TEX51: variants seen among roughly 807,000 people sequenced by gnomAD.
TEX51 encodes testis-expressed protein 51.
In TEX51, 14 loss-of-function variants were observed where a neutral mutation model predicts 8.0. The observed-to-expected ratio is 1.76, with a 90% confidence interval of 1.16 to 2.75. The LOEUF is 2.75. Ranked by LOEUF, TEX51 falls within the 30% of genes most tolerant of loss-of-function variation. The pLI is 0.00. For synonymous variants in TEX51, 58 were observed against 28.6 expected (o/e 2.03, Z -3.29); for missense variants, 142 against 77.4 (o/e 1.83, Z -3.13).
At chr2:126,900,704 T>G (rs564063349) in intron 4 of TEX51, among the ~76,000 whole-genome samples, 45 of 152,256 alleles carry the variant, frequency 3.0e-4, no homozygotes, top group African/African-American at 1.0e-3. Flanking sequence ...CTGAACTTCT[T>G]CTCAACGAGC....
At chr2:126,899,723 C>A in intron 3 of TEX51, 111 bp downstream of exon 3, 1 of 698,634 alleles carries the variant, frequency 1.4e-6, no homozygotes, top group Non-Finnish European at 2.6e-6. Context: ...GGAGCCCCAC[C>A]CCTCTCCATG....
Position 126,901,999 on chromosome 2 carries a change from C to G in TEX51, c.*130C>G. 3.5e-6 allele frequency: 2 copies of G among 577,618 alleles called. No individual in the cohort carries two copies. The highest frequency in any genetic ancestry group is 4.2e-5 in the South Asian group (2 of 47,728). 35.8% of individuals were successfully genotyped at this position (577,618 alleles called of 1,614,324 possible). On this transcript the variant is annotated 3_prime_UTR_variant, in exon 7 of 7. Coordinates refer to ENST00000568484, the MANE Select transcript of TEX51 (RefSeq NM_001322244.2). ...ACCCTCCATCCTGGGTCCTGGGGCC[C>G]CAAAGCTCTGAGGCCTAGGAGACTG...
Position 126,902,045 on chromosome 2 carries a change from A to G in TEX51, c.*176A>G. On this transcript the variant is annotated 3_prime_UTR_variant, in exon 7 of 7. Coordinates refer to ENST00000568484, the MANE Select transcript of TEX51 (RefSeq NM_001322244.2). ...GACTGCGCTGTCTCGTGGTTTGCCTACTCCTACACCTTTGTAAAGAGTCTC... is the reference window on the plus strand; with the variant it reads ...GACTGCGCTGTCTCGTGGTTTGCCTGCTCCTACACCTTTGTAAAGAGTCTC... 1 of 494,146 alleles carries G rather than the reference A, an allele frequency of 2.0e-6. No homozygotes were observed. The highest frequency in any genetic ancestry group is 3.1e-5 in the South Asian group (1 of 31,986). The allele number at this position is 494,146 out of a possible 1,614,324, so 30.6% of individuals were successfully genotyped here.
rs749167982 is a variant in TEX51 at position 126,901,170 on chromosome 2, C to A, written c.395-40C>A. The A allele has an allele frequency of 1.1e-4, 68 of 611,634 alleles. 1 individual carries two copies. The Middle Eastern group carries it at 5.4e-3, about 49-fold the overall frequency. The allele number at this position is 611,634 out of a possible 1,614,324, so 37.9% of individuals were successfully genotyped here. On this transcript the variant is annotated intron_variant, in intron 4 of 6. Transcript: ENST00000568484. Reference sequence around the variant, plus strand: ...TTCTCTCTGAGTTGAGGTAGCCCTGCCTGGCCTCCAAACACCTGGCTTCCT... The same window carrying A: ...TTCTCTCTGAGTTGAGGTAGCCCTGACTGGCCTCCAAACACCTGGCTTCCT...
chr2:126,900,034 C>T lies in TEX51; in HGVS notation c.394+15C>T, dbSNP rs1417242330. ...TTTCTGCCCAGGTCAGTGGCCACCA[C>T]CCTGTCCAGCCTCTCCCCTCCCTGC... On this transcript the variant is annotated intron_variant, in intron 4 of 6. Coordinates refer to ENST00000568484, the MANE Select transcript of TEX51 (RefSeq NM_001322244.2). The T allele has an allele frequency of 2.9e-6, 2 of 700,580 alleles. No homozygotes were observed. Among genetic ancestry groups the T allele is most frequent in the African/African-American group, 1.7e-5 (1 of 57,290 alleles). 43.4% of individuals were successfully genotyped at this position (700,580 alleles called of 1,614,324 possible).
At chr2:126,900,070 TG>T in intron 4 of TEX51, 51 bp downstream of exon 4, 1 of 699,342 alleles carries the variant, frequency 1.4e-6, no homozygotes, top group Non-Finnish European at 2.6e-6. Context: ...CCTGCATTTC[TG>T]GAGCCATTGC....
intron 4 of TEX51, 46 bp from the exon 5 acceptor site, chr2:126,901,163 AG>A (rs1487163719): frequency 9.9e-6 from 6 of 608,106 alleles, no homozygotes; most frequent in Non-Finnish European, 1.5e-5. Context: ...GAGTTGAGGT[AG>A]CCCTGCCTGG....
intron 4 of TEX51, among the ~76,000 whole-genome samples, chr2:126,900,228 C>T (rs902443564): frequency 7.3e-4 from 111 of 152,018 alleles, no homozygotes; most frequent in African/African-American, 2.6e-3. Context: ...GGACATCACT[C>T]ATGGAGGCCT....
In TEX51 at chr2:126,898,918, G is replaced by A; in HGVS notation, c.-1G>A. On this transcript the variant is annotated 5_prime_UTR_variant, in exon 1 of 7. Transcript: ENST00000568484. The stretch of plus-strand genomic sequence containing the variant: ...GGGGCACAGTAGGAGGAACCCAGAA[G>A]ATGCTGCCTCTCCTGATCATCTGTC... 1.4e-6 allele frequency: 1 copy of A among 698,856 alleles called. No individual in the cohort carries two copies. Among genetic ancestry groups the A allele is most frequent in the Non-Finnish European group, 2.6e-6 (1 of 383,464 alleles). The allele number at this position is 698,856 out of a possible 1,614,324, so 43.3% of individuals were successfully genotyped here.
At chr2:126,901,783 G>T in intron 6 of TEX51, 89 bp from the exon 7 acceptor site, 1 of 569,250 alleles carries the variant, frequency 1.8e-6, no homozygotes, top group South Asian at 2.2e-5. Flanking sequence ...GGCCAGGGGA[G>T]ACTCCCAGGA....
Position 126,902,035 on chromosome 2 carries a change from T to C in TEX51, c.*166T>C. 1.9e-6 allele frequency: 1 copy of C among 513,214 alleles called. No individual in the cohort carries two copies. The allele number at this position is 513,214 out of a possible 1,614,324, so 31.8% of individuals were successfully genotyped here. The stretch of plus-strand genomic sequence containing the variant: ...AGGCCTAGGAGACTGCGCTGTCTCG[T>C]GGTTTGCCTACTCCTACACCTTTGT... On this transcript the variant is annotated 3_prime_UTR_variant, in exon 7 of 7. Transcript: ENST00000568484.
Position 126,900,032 on chromosome 2 carries a change from C to A in TEX51, c.394+13C>A. Reference sequence around the variant, plus strand: ...ACTTTCTGCCCAGGTCAGTGGCCACCACCCTGTCCAGCCTCTCCCCTCCCT... The same window carrying A: ...ACTTTCTGCCCAGGTCAGTGGCCACAACCCTGTCCAGCCTCTCCCCTCCCT... On this transcript the variant is annotated intron_variant, in intron 4 of 6. Coordinates refer to ENST00000568484, the MANE Select transcript of TEX51 (RefSeq NM_001322244.2). 1.4e-6 allele frequency: 1 copy of A among 700,532 alleles called. No homozygotes were observed. Among genetic ancestry groups the A allele is most frequent in the Non-Finnish European group, 2.6e-6 (1 of 384,806 alleles). The allele number at this position is 700,532 out of a possible 1,614,324, so 43.4% of individuals were successfully genotyped here.
Position 126,901,925 on chromosome 2 carries a change from C to CG in TEX51, c.*57dup, listed in dbSNP as rs754816869. On this transcript the variant is annotated 3_prime_UTR_variant, in exon 7 of 7. Coordinates refer to ENST00000568484, the MANE Select transcript of TEX51 (RefSeq NM_001322244.2). The stretch of plus-strand genomic sequence containing the variant: ...AGTGAACAGAGGCCGCAGCTACCAC[C>CG]GTCACAAAGTTCACTCATCTCTGGG... 4.5e-5 allele frequency: 30 copies of CG among 672,190 alleles called. No individual in the cohort carries two copies. Among genetic ancestry groups the CG allele is most frequent in the Non-Finnish European group, 7.6e-5 (28 of 369,752 alleles). 41.6% of individuals were successfully genotyped at this position (672,190 alleles called of 1,614,324 possible). A position where few individuals can be genotyped will look rare whatever the true frequency, so the allele number is the denominator to read the frequency against.
intron 2 of TEX51, 106 bp from the exon 3 acceptor site, chr2:126,899,417 C>G: frequency 1.5e-6 from 1 of 681,682 alleles, no homozygotes. Context: ...TGAATGCAGT[C>G]TGTCTCCGTG....
At chr2:126,899,789 G>A in intron 3 of TEX51, 147 bp from the exon 4 acceptor site, 2 of 701,976 alleles carry the variant, frequency 2.8e-6, no homozygotes, top group Non-Finnish European at 5.2e-6. Flanking sequence ...GGCTCTGTCT[G>A]CCTCCCCAGC....
chr2:126,900,265 G>T (rs1463388736), intron 4 of TEX51, among the ~76,000 whole-genome samples: 1 of 151,954 alleles, frequency 6.6e-6, no homozygotes, highest in Non-Finnish European at 1.5e-5. Context: ...GCCATGCCTA[G>T]AAACATGACC....
At chr2:126,901,537 G>A (rs1014308303) in intron 6 of TEX51, 133 bp downstream of exon 6, 19 of 628,674 alleles carry the variant, frequency 3.0e-5, no homozygotes, top group Admixed American at 1.3e-4. Context: ...GAGTGGGATC[G>A]AGGGCCAGGA....
chr2:126,901,649 A>G, intron 6 of TEX51: 1 of 596,856 alleles, frequency 1.7e-6, no homozygotes, highest in Non-Finnish European at 3.0e-6. Flanking sequence ...CATCCTCACT[A>G]CAGAGTGCTC....
Position 126,901,938 on chromosome 2 carries a change from A to T in TEX51, c.*69A>T. On this transcript the variant is annotated 3_prime_UTR_variant, in exon 7 of 7. Transcript: ENST00000568484. The stretch of plus-strand genomic sequence containing the variant: ...CGCAGCTACCACCGTCACAAAGTTC[A>T]CTCATCTCTGGGTCCCGGTGACCCC... 1.5e-6 allele frequency: 1 copy of T among 668,424 alleles called. No individual in the cohort carries two copies. Among genetic ancestry groups the T allele is most frequent in the Non-Finnish European group, 2.7e-6 (1 of 367,908 alleles). 41.4% of individuals were successfully genotyped at this position (668,424 alleles called of 1,614,324 possible). A position where few individuals can be genotyped will look rare whatever the true frequency, so the allele number is the denominator to read the frequency against.
Sources: allele counts gnomAD v4.1 joint callset (sites outside exome capture counted in the v4.1 genomes callset), GRCh38; gene constraint gnomAD v4.1.1; transcripts MANE v1.5; gene names NCBI Gene and HGNC (gene_info 2026-07-23, HGNC 2026-07-21).